The following SIK3 variants were observed in gnomAD, a reference collection of about 807,000 sequenced individuals.
SIK3 encodes the protein serine/threonine-protein kinase SIK3.
A neutral mutation model predicts 144.2 loss-of-function variants in SIK3; 28 were observed. That is an observed-to-expected ratio of 0.19 (90% CI 0.14 to 0.27). SIK3 has a LOEUF of 0.27. Among genes scored for constraint, SIK3 ranks in the 10% least tolerant of loss-of-function variants. The probability of loss-of-function intolerance (pLI) is 1.00; values close to 1 mark genes in which losing one functional copy is unlikely to be tolerated. For missense variants in SIK3, 1,319 were observed against 1,776.0 expected (o/e 0.74, Z 4.62); for synonymous variants, 686 against 676.3 (o/e 1.01, Z -0.22).
Position 116,844,513 on chromosome 11 carries a change from G to A in SIK3, c.*1130C>T, listed in dbSNP as rs1427719417. The A allele has an allele frequency of 8.8e-5, 13 of 147,604 alleles. No individual in the cohort carries two copies. Among genetic ancestry groups the A allele is most frequent in the African/African-American group, 3.2e-4 (13 of 40,384 alleles). 9.1% of individuals were successfully genotyped at this position (147,604 alleles called of 1,614,324 possible). ...TACCCAGTGGGGAAGAGGAGGTTAG[G>A]AGAGAGGCAGGGCCCAAGGCAACCT... is the stretch of plus-strand genomic sequence containing the variant. On this transcript the variant is annotated 3_prime_UTR_variant, in exon 25 of 25. Coordinates refer to ENST00000445177, the MANE Select transcript of SIK3 (RefSeq NM_001366686.3).
chr11:116,941,466 T>C (rs1020661663), intron 3 of SIK3, among the ~76,000 whole-genome samples: 1 of 150,518 alleles, frequency 6.6e-6, no homozygotes, highest in East Asian at 1.9e-4. Context: ...ACAAATGTGT[T>C]GTATTCTTGA....
chr11:117,061,337 G>T (rs1416465925), intron 1 of SIK3, among the ~76,000 whole-genome samples: 1 of 152,198 alleles, frequency 6.6e-6, no homozygotes, highest in Non-Finnish European at 1.5e-5. Flanking sequence ...TGTTGTGTGT[G>T]TGTGTGAGCG....
chr11:116,916,743 C>G (rs1415134371), intron 4 of SIK3, among the ~76,000 whole-genome samples: 1 of 151,204 alleles, frequency 6.6e-6, no homozygotes, highest in Non-Finnish European at 1.5e-5. Flanking sequence ...ATCTCCTGAC[C>G]TCGTGATCCG....
At chr11:116,996,819 CAAAAAAAAAAA>C (rs11329513) in intron 1 of SIK3, among the ~76,000 whole-genome samples, 45 of 58,406 alleles carry the variant, frequency 7.7e-4, no homozygotes, top group East Asian at 1.9e-3. Flanking sequence ...GACTCTCTCT[CAAAAAAAAAAA>C]AAAAAAAAAA....
chr11:117,049,660 G>A (rs1003763926), intron 1 of SIK3, among the ~76,000 whole-genome samples: 7 of 152,176 alleles, frequency 4.6e-5, no homozygotes, highest in African/African-American at 1.2e-4. Flanking sequence ...TCAAAATAGA[G>A]TTTTAAAATG....
Position 117,098,200 on chromosome 11 carries a change from G to T in SIK3, c.216C>A (p.Ile72=), listed in dbSNP as rs1490508297. The change falls in exon 1 of 25, where the codon ATC becomes ATA. Residue 72 remains isoleucine, a synonymous_variant. Transcript: ENST00000445177. The part of the protein sequence containing the change: ...RIGYYEIDRT[I]GKGNFAVVKR... Reference sequence around the variant, plus strand: ...TGACCACCGCGAAGTTGCCCTTGCCGATGGTGCGGTCGATCTCGTAGTAGC... The same window carrying T: ...TGACCACCGCGAAGTTGCCCTTGCCTATGGTGCGGTCGATCTCGTAGTAGC... The T allele has an allele frequency of 6.6e-7, 1 of 1,523,314 alleles. No individual in the cohort carries two copies. The highest frequency in any genetic ancestry group is 8.8e-7 in the Non-Finnish European group (1 of 1,135,856). The allele number at this position is 1,523,314 out of a possible 1,614,324, so 94.4% of individuals were successfully genotyped here.
chr11:116,854,136 GA>G, intron 21 of SIK3, among the ~76,000 whole-genome samples: 1 of 152,200 alleles, frequency 6.6e-6, no homozygotes, highest in Non-Finnish European at 1.5e-5. Context: ...AAGAAGGGAG[GA>G]TTGTTTGAGC....
At chr11:116,946,261 C>G (rs1419753259) in intron 3 of SIK3, among the ~76,000 whole-genome samples, 1 of 152,200 alleles carries the variant, frequency 6.6e-6, no homozygotes, top group African/African-American at 2.4e-5. Flanking sequence ...TCAAGAGGGT[C>G]TGAGATCTCA....
chr11:117,013,967 C>CCTTTTTTTTTTTTTTTTTTTTTTT (rs756680301), intron 1 of SIK3, among the ~76,000 whole-genome samples: 2 of 7,372 alleles, frequency 2.7e-4, no homozygotes, highest in Non-Finnish European at 6.6e-4. Flanking sequence ...TTCTTTTTTT[C>CCTTTTTTTTTTTTTTTTTTTTTTT]TTTTCTTTTT....
At chr11:117,037,767 A>G (rs1295187953) in intron 1 of SIK3, among the ~76,000 whole-genome samples, 1 of 150,394 alleles carries the variant, frequency 6.6e-6, no homozygotes, top group Non-Finnish European at 1.5e-5. Context: ...AGAAAAAAAG[A>G]GATGATAATC....
intron 1 of SIK3, among the ~76,000 whole-genome samples, chr11:117,017,165 G>A (rs563386509): frequency 2.4e-4 from 37 of 152,338 alleles, no homozygotes; most frequent in African/African-American, 8.7e-4. Flanking sequence ...GCTGAGGTGG[G>A]AGAATCACTT....
At chr11:117,087,587 A>C (rs1955071968) in intron 1 of SIK3, among the ~76,000 whole-genome samples, 1 of 152,198 alleles carries the variant, frequency 6.6e-6, no homozygotes, top group African/African-American at 2.4e-5. Flanking sequence ...GTAGAGACTT[A>C]AAAGCCCTAC....
At chr11:116,934,585 A>G (rs1178511361) in intron 3 of SIK3, among the ~76,000 whole-genome samples, 1 of 152,360 alleles carries the variant, frequency 6.6e-6, no homozygotes, top group East Asian at 1.9e-4. Flanking sequence ...ATCACAGGAT[A>G]TGCTTTAGTT....
At chr11:116,962,272 A>C (rs1470145986) in intron 1 of SIK3, among the ~76,000 whole-genome samples, 1 of 152,230 alleles carries the variant, frequency 6.6e-6, no homozygotes, top group Non-Finnish European at 1.5e-5. Flanking sequence ...GGACAGTTCA[A>C]GAAAGAACTA....
At chr11:117,000,946 C>G (rs550888279) in intron 1 of SIK3, among the ~76,000 whole-genome samples, 2 of 152,228 alleles carry the variant, frequency 1.3e-5, no homozygotes, top group Non-Finnish European at 2.9e-5. Context: ...CAGAGAATCA[C>G]AGACTAAATC....
intron 6 of SIK3, among the ~76,000 whole-genome samples, chr11:116,892,836 G>T (rs1945199941): frequency 1.3e-5 from 2 of 152,222 alleles, no homozygotes; most frequent in Admixed American, 1.3e-4. Context: ...TAGGTGAAAG[G>T]ATAAAGGGTG....
chr11:116,954,140 A>T, intron 2 of SIK3, 33 bp from the exon 3 acceptor site: 3 of 1,574,174 alleles, frequency 1.9e-6, no homozygotes, highest in Non-Finnish European at 2.6e-6. Flanking sequence ...ACAGACAGTG[A>T]CACAAATGAC....
At chr11:116,879,922 T>G (rs1944461850) in intron 6 of SIK3, among the ~76,000 whole-genome samples, 1 of 152,252 alleles carries the variant, frequency 6.6e-6, no homozygotes, top group African/African-American at 2.4e-5. Flanking sequence ...TTGCAGTTAC[T>G]TAAGAGGACA....
At chr11:116,948,556 C>T (rs1197084919) in intron 3 of SIK3, among the ~76,000 whole-genome samples, 1 of 152,154 alleles carries the variant, frequency 6.6e-6, no homozygotes, top group East Asian at 1.9e-4. Context: ...GGATTATAGG[C>T]GTGAGTCACC....
Sources: allele counts gnomAD v4.1 joint callset (sites outside exome capture counted in the v4.1 genomes callset), GRCh38; gene constraint gnomAD v4.1.1; transcripts MANE v1.5; gene names NCBI Gene and HGNC (gene_info 2026-07-23, HGNC 2026-07-21).